Variants in LRP1B observed in about 807,000 individuals in gnomAD.
LRP1B encodes low-density lipoprotein receptor-related protein 1B.
A neutral mutation model predicts 556.6 loss-of-function variants in LRP1B; 217 were observed. The observed-to-expected ratio is 0.39, with a 90% CI of 0.35 to 0.44. The LOEUF (loss-of-function observed/expected upper bound fraction) is 0.44. Ranked by LOEUF, LRP1B falls within the 20% of genes least tolerant of loss-of-function variation. The pLI is 1.00. For missense variants in LRP1B, 5,053 were observed against 5,620.8 expected (o/e 0.90, Z 3.23); for synonymous variants, 2,047 against 1,865.8 (o/e 1.10, Z -2.50).
intron 2 of LRP1B, among the ~76,000 whole-genome samples, chr2:141,600,010 T>C (rs1687669502): frequency 6.6e-6 from 1 of 152,132 alleles, no homozygotes; most frequent in Non-Finnish European, 1.5e-5. Context: ...GTGGCAGTTT[T>C]CTCATTCAAA....
chr2:141,902,901 T>A (rs1404563420), intron 1 of LRP1B, among the ~76,000 whole-genome samples: 1 of 151,980 alleles, frequency 6.6e-6, no homozygotes, highest in Non-Finnish European at 1.5e-5. Context: ...TATTTTGTCA[T>A]TGACATTGCT....
Position 142,098,468 on chromosome 2 carries a change from A to AT in LRP1B, c.82+32179dup, listed in dbSNP as rs113103597. 3.5e-4 allele frequency among the ~76,000 whole-genome samples: 53 copies of AT among 151,804 alleles called. 2 individuals are homozygous for AT. Among genetic ancestry groups the AT allele is most frequent in the African/African-American group, 1.2e-3 (51 of 41,500 alleles). On this transcript the variant is annotated intron_variant, in intron 1 of 90. Coordinates refer to ENST00000389484, the MANE Select transcript of LRP1B (RefSeq NM_018557.3). Reference sequence around the variant, plus strand: ...TTACTGGAAACTGTCTGCTTTGGAGATTTTTTAAATGGCTCTTTAATTCGT... The same window carrying AT: ...TTACTGGAAACTGTCTGCTTTGGAGATTTTTTTAAATGGCTCTTTAATTCGT...
chr2:140,935,831 T>C (rs1197073615), intron 20 of LRP1B, among the ~76,000 whole-genome samples: 1 of 152,004 alleles, frequency 6.6e-6, no homozygotes, highest in African/African-American at 2.4e-5. Context: ...GAAGCTTGGA[T>C]GGCAGTGTGG....
chr2:141,795,900 A>ATATATATG (rs1553465421), intron 2 of LRP1B, among the ~76,000 whole-genome samples: 2 of 78,982 alleles, frequency 2.5e-5, no homozygotes, highest in African/African-American at 4.5e-5. Context: ...ATATATATAT[A>ATATATATG]ATCTTTAAGC....
chr2:141,490,222 C>A (rs1351287349), intron 2 of LRP1B, among the ~76,000 whole-genome samples: 2 of 151,990 alleles, frequency 1.3e-5, no homozygotes, highest in Non-Finnish European at 2.9e-5. Context: ...GAAAAACATG[C>A]CTGATCACCT....
chr2:141,188,283 C>T (rs1249433), intron 7 of LRP1B, 138 bp downstream of exon 7: 314,659 of 789,662 alleles, frequency 0.4, 67,931 homozygotes, highest in East Asian at 0.76. Context: ...TTCCTTCCTG[C>T]GACACAGTTG....
chr2:140,833,892 C>T (rs111606119), intron 31 of LRP1B, among the ~76,000 whole-genome samples: 1 of 152,002 alleles, frequency 6.6e-6, no homozygotes, highest in African/African-American at 2.4e-5. Flanking sequence ...GAATCAAAAC[C>T]ATAAGCACAG....
At chr2:142,037,681 G>A (rs1703931389) in intron 1 of LRP1B, among the ~76,000 whole-genome samples, 1 of 151,572 alleles carries the variant, frequency 6.6e-6, no homozygotes, top group South Asian at 2.1e-4. Flanking sequence ...TGCATTGTTT[G>A]TGACTTTAAG....
chr2:141,548,984 A>G (rs1160623231), intron 2 of LRP1B, among the ~76,000 whole-genome samples: 1 of 152,190 alleles, frequency 6.6e-6, no homozygotes, highest in Non-Finnish European at 1.5e-5. Flanking sequence ...GGAAAGATAT[A>G]CAGTTATCTA....
At chr2:141,406,022 T>C (rs1443490280) in intron 3 of LRP1B, among the ~76,000 whole-genome samples, 2 of 152,048 alleles carry the variant, frequency 1.3e-5, no homozygotes, top group Non-Finnish European at 2.9e-5. Context: ...GTTAACAAAA[T>C]AGAGAGCGAA....
chr2:140,364,564 G>A (rs2105150716), intron 72 of LRP1B, 97 bp downstream of exon 72: 1 of 1,400,150 alleles, frequency 7.1e-7, no homozygotes, highest in South Asian at 1.3e-5. Flanking sequence ...CCCCAGGATG[G>A]TATAATTGGT....
intron 60 of LRP1B, among the ~76,000 whole-genome samples, chr2:140,460,990 G>A (rs1348071983): frequency 2.6e-5 from 4 of 151,222 alleles, no homozygotes; most frequent in African/African-American, 7.3e-5. Context: ...TTGAACCCGG[G>A]AGGTGGAGGT....
At chr2:140,874,925 G>A (rs143928756) in intron 25 of LRP1B, among the ~76,000 whole-genome samples, 4,166 of 151,738 alleles carry the variant, frequency 0.027, 182 homozygotes, top group African/African-American at 0.095. Flanking sequence ...AGGCTGAGGC[G>A]GGAGAATTGC....
chr2:141,585,297 T>C (rs1192577663), intron 2 of LRP1B, among the ~76,000 whole-genome samples: 2 of 152,224 alleles, frequency 1.3e-5, no homozygotes, highest in Non-Finnish European at 2.9e-5. Context: ...TATAAGTATG[T>C]TGCCCTTTAA....
At chr2:140,961,244 T>G (rs1349330239) in intron 18 of LRP1B, among the ~76,000 whole-genome samples, 2 of 151,994 alleles carry the variant, frequency 1.3e-5, no homozygotes, top group African/African-American at 4.8e-5. Flanking sequence ...ATATCACCTA[T>G]CAATCCATCA....
intron 43 of LRP1B, among the ~76,000 whole-genome samples, chr2:140,551,845 T>C (rs1680558688): frequency 6.6e-6 from 1 of 152,166 alleles, no homozygotes; most frequent in South Asian, 2.1e-4. Flanking sequence ...TCATCCTTTT[T>C]AGTTATCAGT....
In LRP1B at chr2:141,412,338, G is replaced by T. The variant is rs968817931; in HGVS notation, c.343+68058C>A. The stretch of plus-strand genomic sequence containing the variant: ...AGTAGGAAAGAGAATTCATACAAAT[G>T]AGCTCTTTTCCCACCTGCAGTTTCT... On this transcript the variant is annotated intron_variant, in intron 3 of 90. Transcript: ENST00000389484. 2.6e-5 allele frequency among the ~76,000 whole-genome samples: 4 copies of T among 152,160 alleles called. No homozygotes were observed. The East Asian group carries it at 7.7e-4, about 29-fold the overall frequency.
intron 3 of LRP1B, among the ~76,000 whole-genome samples, chr2:141,454,809 AC>A (rs1417500683): frequency 6.6e-6 from 1 of 152,090 alleles, no homozygotes; most frequent in East Asian, 1.9e-4. Context: ...GAATAGTGCT[AC>A]TCTGAGAAAT....
At chr2:141,634,087 A>C (rs912088958) in intron 2 of LRP1B, among the ~76,000 whole-genome samples, 2 of 151,896 alleles carry the variant, frequency 1.3e-5, no homozygotes, top group African/African-American at 4.8e-5. Flanking sequence ...TATTTAGAAA[A>C]CAAAAAAGCC....
Sources: gnomAD v4.1 joint callset for allele counts (sites outside exome capture counted in the v4.1 genomes callset) on GRCh38, gnomAD v4.1.1 for gene constraint, MANE v1.5 for transcripts, NCBI Gene and HGNC (gene_info 2026-07-23, HGNC 2026-07-21) for gene names.